GALNT13: variants seen among roughly 807,000 people sequenced by gnomAD.
The protein encoded by GALNT13 is UDP-GalNAc:polypeptide N-acetylgalactosaminyltransferase 13.
In GALNT13, 28 loss-of-function variants were observed where a neutral mutation model predicts 64.2. The observed-to-expected ratio is 0.44, with a 90% confidence interval of 0.32 to 0.60. GALNT13 has a LOEUF of 0.60. Among genes scored for constraint, GALNT13 ranks in the 20% least tolerant of loss-of-function variants. GALNT13 has a pLI of 0.05. For missense variants in GALNT13, 577 were observed against 669.8 expected (o/e 0.86, Z 1.53); for synonymous variants, 214 against 224.6 (o/e 0.95, Z 0.42).
At chr2:153,609,590 C>T in the GALNT13 span, among the ~76,000 whole-genome samples, 1 of 152,134 alleles carries the variant, frequency 6.6e-6, no homozygotes, top group Non-Finnish European at 1.5e-5. Flanking sequence ...ATCCTTTCCT[C>T]TTGAAAGTAG....
At chr2:153,096,539 G>C in the GALNT13 span, among the ~76,000 whole-genome samples, 1 of 151,990 alleles carries the variant, frequency 6.6e-6, no homozygotes, top group African/African-American at 2.4e-5. Flanking sequence ...TTATATATCT[G>C]GCTTCTCCAG....
chr2:153,161,580 G>A, the GALNT13 span, among the ~76,000 whole-genome samples: 7 of 151,962 alleles, frequency 4.6e-5, no homozygotes, highest in East Asian at 7.8e-4. Flanking sequence ...GAGAGAGTGT[G>A]TCAGGAAGAT....
the GALNT13 span, among the ~76,000 whole-genome samples, chr2:153,161,614 G>GA: frequency 8.6e-5 from 13 of 151,974 alleles, no homozygotes; most frequent in Admixed American, 4.6e-4. Flanking sequence ...ATTCCAAGCA[G>GA]AAAAAAACAA....
At chr2:153,903,838 C>T (rs1688390223) in intron 2 of GALNT13, among the ~76,000 whole-genome samples, 1 of 151,922 alleles carries the variant, frequency 6.6e-6, no homozygotes, top group Non-Finnish European at 1.5e-5. Flanking sequence ...CAAGCAAAGA[C>T]CCATGTAACC....
chr2:154,427,730 G>A (rs1700532671), intron 11 of GALNT13, among the ~76,000 whole-genome samples: 1 of 152,172 alleles, frequency 6.6e-6, no homozygotes, highest in Admixed American at 6.5e-5. Flanking sequence ...AGTAAGTTAA[G>A]AGTGTACAGC....
chr2:153,750,484 C>A, the GALNT13 span, among the ~76,000 whole-genome samples: 1 of 151,476 alleles, frequency 6.6e-6, no homozygotes, highest in African/African-American at 2.4e-5. Context: ...ATTTTTATTA[C>A]GTTTTGATAT....
chr2:153,722,912 C>G, the GALNT13 span, among the ~76,000 whole-genome samples: 1 of 151,310 alleles, frequency 6.6e-6, no homozygotes, highest in Non-Finnish European at 1.5e-5. Context: ...TGAAACTATT[C>G]CAATCAATAG....
chr2:153,083,001 G>A, the GALNT13 span, among the ~76,000 whole-genome samples: 3 of 151,680 alleles, frequency 2.0e-5, no homozygotes, highest in South Asian at 6.2e-4. Flanking sequence ...GCTAATTTTT[G>A]TATTTTTAGT....
At chr2:153,728,312 A>G in the GALNT13 span, among the ~76,000 whole-genome samples, 3 of 152,202 alleles carry the variant, frequency 2.0e-5, no homozygotes, top group Non-Finnish European at 4.4e-5. Context: ...TCCTTGAGGA[A>G]TCACCACACT....
intron 11 of GALNT13, among the ~76,000 whole-genome samples, chr2:154,434,115 A>C (rs1383395334): frequency 6.6e-6 from 1 of 152,222 alleles, no homozygotes; most frequent in East Asian, 1.9e-4. Flanking sequence ...TAAGATCTTG[A>C]TCTTGGACTT....
intron 8 of GALNT13, among the ~76,000 whole-genome samples, chr2:154,297,973 T>C (rs1427448225): frequency 6.6e-6 from 1 of 151,928 alleles, no homozygotes; most frequent in Non-Finnish European, 1.5e-5. Flanking sequence ...TTCTGGGACA[T>C]ACAAGAGGAG....
At chr2:153,604,474 A>G in the GALNT13 span, among the ~76,000 whole-genome samples, 1 of 152,046 alleles carries the variant, frequency 6.6e-6, no homozygotes, top group Non-Finnish European at 1.5e-5. Flanking sequence ...CTCCTCCCTC[A>G]GTTATTTGGC....
the GALNT13 span, among the ~76,000 whole-genome samples, chr2:153,567,988 C>T: frequency 6.6e-6 from 1 of 152,308 alleles, no homozygotes; most frequent in Non-Finnish European, 1.5e-5. Flanking sequence ...AACGTGTTAG[C>T]TTCCTGAGGC....
At chr2:153,943,758 G>A (rs1691513248) in intron 2 of GALNT13, among the ~76,000 whole-genome samples, 1 of 152,168 alleles carries the variant, frequency 6.6e-6, no homozygotes, top group Non-Finnish European at 1.5e-5. Context: ...ATCTCTCAAA[G>A]TGTTGGGATT....
chr2:153,919,404 AT>A (rs1232255786), intron 2 of GALNT13, among the ~76,000 whole-genome samples: 1 of 151,980 alleles, frequency 6.6e-6, no homozygotes, highest in Non-Finnish European at 1.5e-5. Context: ...GAATACCACT[AT>A]TTTTTCTGTT....
chr2:154,026,082 TA>T (rs1200511823), intron 3 of GALNT13, among the ~76,000 whole-genome samples: 1 of 152,120 alleles, frequency 6.6e-6, no homozygotes, highest in Non-Finnish European at 1.5e-5. Context: ...TTGCATTTTT[TA>T]AATGATTATA....
At chr2:153,947,610 A>T (rs909942398) in intron 3 of GALNT13, among the ~76,000 whole-genome samples, 3 of 151,022 alleles carry the variant, frequency 2.0e-5, no homozygotes, top group African/African-American at 4.9e-5. Flanking sequence ...GATTGCAAAA[A>T]TTTTCTCCCA....
the GALNT13 span, among the ~76,000 whole-genome samples, chr2:153,730,656 A>G: frequency 6.6e-6 from 1 of 151,966 alleles, no homozygotes; most frequent in Non-Finnish European, 1.5e-5. Flanking sequence ...CATTTGAAAA[A>G]GAACTGCTAT....
the GALNT13 span, among the ~76,000 whole-genome samples, chr2:153,320,977 GCT>G: frequency 6.6e-6 from 1 of 152,034 alleles, no homozygotes; most frequent in East Asian, 1.9e-4. Flanking sequence ...CTCTGTTTTA[GCT>G]GCTACTTATT....
Sources: allele counts gnomAD v4.1 joint callset (sites outside exome capture counted in the v4.1 genomes callset), GRCh38; gene constraint gnomAD v4.1.1; transcripts MANE v1.5; gene names NCBI Gene and HGNC (gene_info 2026-07-23, HGNC 2026-07-21).